NDST3: variants seen among roughly 807,000 people sequenced by gnomAD.
NDST3 encodes N-deacetylase and N-sulfotransferase 3, also known as bifunctional heparan sulfate N-deacetylase/N-sulfotransferase 3.
A neutral mutation model predicts 96.1 loss-of-function variants in NDST3; 58 were observed. The observed-to-expected ratio is 0.60, with a 90% confidence interval of 0.49 to 0.75. The LOEUF is 0.75. Ranked by LOEUF, NDST3 falls within the 30% of genes least tolerant of loss-of-function variation. NDST3 has a pLI of 0.00. For missense variants in NDST3, 788 were observed against 1,034.2 expected (o/e 0.76, Z 3.27); for synonymous variants, 333 against 359.7 (o/e 0.93, Z 0.84).
chr4:118,082,179 C>A (rs1728078862), intron 2 of NDST3, among the ~76,000 whole-genome samples: 2 of 152,110 alleles, frequency 1.3e-5, no homozygotes, highest in African/African-American at 4.8e-5. Flanking sequence ...ATCCTCGTGC[C>A]AATGCTTCAG....
intron 6 of NDST3, among the ~76,000 whole-genome samples, chr4:118,162,862 G>T (rs1437738199): frequency 6.7e-6 from 1 of 148,240 alleles, no homozygotes; most frequent in Non-Finnish European, 1.5e-5. Flanking sequence ...CTGACAAAGG[G>T]CTAATATCCA....
At chr4:118,101,488 C>T (rs7679658) in intron 2 of NDST3, among the ~76,000 whole-genome samples, 114,408 of 151,904 alleles carry the variant, frequency 0.75, 45,724 homozygotes, top group South Asian at 0.92. Context: ...AAGTTGCACA[C>T]TATGTTCCCT....
At chr4:118,091,209 G>T (rs944828073) in intron 2 of NDST3, among the ~76,000 whole-genome samples, 11 of 151,676 alleles carry the variant, frequency 7.3e-5, no homozygotes, top group African/African-American at 2.4e-4. Flanking sequence ...TTACCTGGAT[G>T]ATGAAATAAT....
At position 118,105,042 on chromosome 4, in the gene NDST3, T is replaced by C. The variant is rs575125001; in HGVS notation, c.1006T>C (p.Leu336=). The change falls in exon 3 of 14, where the codon TTG becomes CTG. Residue 336 remains leucine (L), a synonymous_variant. Transcript: ENST00000296499. ...VKALLDTQNL[L]RAQITNFTFN... is the part of the protein sequence containing the mutation. ...GGCCCTGCTTGATACTCAGAATCTT[T>C]TGCGTGCACAAATCACAAATTTTAC... The C allele has an allele frequency of 2.2e-5, 36 of 1,613,558 alleles. No homozygotes were observed. In the South Asian group the frequency reaches 3.4e-4, roughly 15 times the overall value.
intron 6 of NDST3, among the ~76,000 whole-genome samples, chr4:118,148,059 G>A (rs1356299089): frequency 2.0e-5 from 3 of 152,176 alleles, no homozygotes; most frequent in Non-Finnish European, 2.9e-5. Context: ...AGCACTTTGG[G>A]AGGCCAAGGT....
chr4:118,223,387 G>A (rs534219921), intron 6 of NDST3, among the ~76,000 whole-genome samples: 1 of 152,128 alleles, frequency 6.6e-6, no homozygotes, highest in African/African-American at 2.4e-5. Flanking sequence ...CCAATTCCAT[G>A]ACTGCATTGG....
In NDST3 at chr4:118,208,534, C is replaced by G. The variant is rs1467533852; in HGVS notation, c.1540-15957C>G. ...TCACTGAGGTTATCTTTGTGACAAA[C>G]TTTACTTCTTAAAATTTCTTATTTC... is the stretch of plus-strand genomic sequence containing the variant. On this transcript the variant is annotated intron_variant, in intron 6 of 13. Transcript: ENST00000296499. Among the ~76,000 whole-genome samples the G allele has an allele frequency of 5.5e-5, 8 of 144,476 alleles. No homozygotes were observed. In the East Asian group the frequency reaches 1.6e-3, roughly 28 times the overall value. 94.8% of individuals were successfully genotyped at this position (144,476 alleles called of 152,430 possible).
intron 2 of NDST3, among the ~76,000 whole-genome samples, chr4:118,090,921 T>C (rs773792458): frequency 6.6e-6 from 1 of 151,848 alleles, no homozygotes; most frequent in Admixed American, 6.6e-5. Context: ...ACAATTATAT[T>C]TTACAAATTA....
intron 6 of NDST3, among the ~76,000 whole-genome samples, chr4:118,185,412 A>C (rs1420490274): frequency 1.3e-5 from 2 of 151,030 alleles, no homozygotes; most frequent in East Asian, 3.9e-4. Flanking sequence ...AATTAAAGCC[A>C]ATAAGTATAA....
At chr4:118,251,450 T>C (rs1484889655) in intron 12 of NDST3, among the ~76,000 whole-genome samples, 1 of 152,192 alleles carries the variant, frequency 6.6e-6, no homozygotes, top group East Asian at 1.9e-4. Flanking sequence ...AGCTCAATAA[T>C]ACATTTCAAG....
chr4:118,155,534 T>C (rs1462925332), intron 6 of NDST3, among the ~76,000 whole-genome samples: 1 of 152,250 alleles, frequency 6.6e-6, no homozygotes, highest in African/African-American at 2.4e-5. Flanking sequence ...TCTTACTTGT[T>C]TTTATTACTC....
chr4:118,068,491 T>C (rs1726781240), intron 2 of NDST3, among the ~76,000 whole-genome samples: 1 of 152,154 alleles, frequency 6.6e-6, no homozygotes, highest in South Asian at 2.1e-4. Flanking sequence ...TTTAATCACT[T>C]ATCAATACAA....
intron 4 of NDST3, among the ~76,000 whole-genome samples, chr4:118,132,916 G>C (rs1443631808): frequency 6.6e-6 from 1 of 152,126 alleles, no homozygotes; most frequent in Non-Finnish European, 1.5e-5. Context: ...TCCTACTGTA[G>C]CTGAGCCGGT....
intron 12 of NDST3, among the ~76,000 whole-genome samples, chr4:118,250,573 C>A (rs1741632227): frequency 6.6e-6 from 1 of 151,962 alleles, no homozygotes; most frequent in Admixed American, 6.5e-5. Context: ...CAACCTCTGC[C>A]CCCCAGGTTC....
intron 5 of NDST3, among the ~76,000 whole-genome samples, chr4:118,142,617 G>T (rs1431776967): frequency 6.6e-6 from 1 of 152,070 alleles, no homozygotes; most frequent in African/African-American, 2.4e-5. Flanking sequence ...ACAATAAGCA[G>T]AAGACCTGTC....
At chr4:118,164,401 G>A (rs1735406200) in intron 6 of NDST3, among the ~76,000 whole-genome samples, 1 of 152,086 alleles carries the variant, frequency 6.6e-6, no homozygotes, top group South Asian at 2.1e-4. Flanking sequence ...ACCAGTCTTG[G>A]GTACGTGGGT....
intron 6 of NDST3, among the ~76,000 whole-genome samples, chr4:118,195,539 T>C (rs1264701987): frequency 3.3e-5 from 5 of 152,226 alleles, no homozygotes; most frequent in Admixed American, 2.0e-4. Flanking sequence ...CTTTATAATT[T>C]ACCCAGTCTG....
chr4:118,175,530 T>C (rs1487085014), intron 6 of NDST3, among the ~76,000 whole-genome samples: 2 of 152,144 alleles, frequency 1.3e-5, no homozygotes, highest in Non-Finnish European at 2.9e-5. Flanking sequence ...GACAACACTT[T>C]GGAATAGTAT....
chr4:118,243,973 T>C (rs1741156195), intron 12 of NDST3, among the ~76,000 whole-genome samples: 1 of 152,194 alleles, frequency 6.6e-6, no homozygotes. Flanking sequence ...ACTGATTATA[T>C]GATTCTCTAA....
Sources: allele counts gnomAD v4.1 joint callset (sites outside exome capture counted in the v4.1 genomes callset), GRCh38; gene constraint gnomAD v4.1.1; transcripts MANE v1.5; gene names NCBI Gene and HGNC (gene_info 2026-07-23, HGNC 2026-07-21).